KIF12: variants seen among roughly 807,000 people sequenced by gnomAD.
The protein encoded by KIF12 is kinesin family member 12.
Under a neutral mutation model 87.9 loss-of-function variants are expected in KIF12, and 80 were observed. That is an observed-to-expected ratio of 0.91 (90% CI 0.76 to 1.10). The LOEUF is 1.10. Ranked by LOEUF, KIF12 falls within the 50% of genes least tolerant of loss-of-function variation. KIF12 has a pLI of 0.00. For missense variants in KIF12, 819 were observed against 865.3 expected (o/e 0.95, Z 0.67); for synonymous variants, 353 against 348.5 (o/e 1.01, Z -0.14).
rs369822984 is a variant in KIF12 at position 114,097,732 on chromosome 9, C to A, written c.385G>T (p.Val129Leu). 15 of 1,613,294 alleles carry A rather than the reference C, an allele frequency of 9.3e-6. No individual in the cohort carries two copies. In the African/African-American group the frequency reaches 1.5e-4, roughly 16 times the overall value. The change falls in exon 6 of 19, where the codon GTG (valine) becomes TTG (leucine). Residue 129 changes from valine (V) to leucine (L), a missense_variant. Coordinates refer to ENST00000640217, the MANE Select transcript of KIF12 (RefSeq NM_001388308.1). ...LTGPPPQGEG[V>L]PVPPSLAGIM... Reference sequence around the variant, plus strand: ...CCAGCCAGGCTGGGGGGTACAGGCACCCCCTCCCCCTAGGGGCAAAACCAG... The same window carrying A: ...CCAGCCAGGCTGGGGGGTACAGGCAACCCCTCCCCCTAGGGGCAAAACCAG...
chr9:114,095,066 G>C lies in KIF12; in HGVS notation c.1076C>G (p.Ala359Gly). 6.2e-7 allele frequency: 1 copy of C among 1,609,912 alleles called. No homozygotes were observed. Among genetic ancestry groups the C allele is most frequent in the South Asian group, 1.1e-5 (1 of 90,344 alleles). Residue 359 changes from alanine (A) to glycine (G), a missense_variant, in exon 11 of 19, where the codon GCA (alanine) becomes GGA (glycine). Ala to Gly is a moderately conservative substitution (Grantham distance 60, BLOSUM62 0). Coordinates refer to ENST00000640217, the MANE Select transcript of KIF12 (RefSeq NM_001388308.1). Reference sequence around the variant, plus strand: ...GGTGGTGACCCGCTGAGCTCGGCTTGCATATCGCAGGGTGCTGAGAGTCTC... The same window carrying C: ...GGTGGTGACCCGCTGAGCTCGGCTTCCATATCGCAGGGTGCTGAGAGTCTC... ...LPETLSTLRY[A>G]SRAQRVTTRP...
chr9:114,098,750 G>T (rs372457016), intron 3 of KIF12, among the ~76,000 whole-genome samples, 185 bp downstream of exon 3: 2 of 141,760 alleles, frequency 1.4e-5, no homozygotes, highest in African/African-American at 5.3e-5. Context: ...ACTCGCAGGG[G>T]TTGGCGCGGC....
intron 18 of KIF12, 29 bp from the exon 19 acceptor site, chr9:114,092,029 C>T: frequency 6.3e-7 from 1 of 1,599,120 alleles, no homozygotes; most frequent in Non-Finnish European, 8.5e-7. Context: ...CGAGGCCTGC[C>T]CTCTCCAGGG....
Position 114,097,371 on chromosome 9 carries a change from G to A in KIF12, c.576C>T (p.Gly192=). 2 of 1,609,146 alleles carry A rather than the reference G, an allele frequency of 1.2e-6. No individual in the cohort carries two copies. The highest frequency in any genetic ancestry group is 2.7e-5 in the African/African-American group (2 of 74,562). ...CCACCCGCAGCTGCTCCACATAGAA[G>A]CCCCGAGTCTTGTTCCAGCGAACAG... ...PLPVRWNKTR[G]FYVEQLRVVE... The change falls in exon 7 of 19, where the codon GGC becomes GGT. Residue 192 remains glycine, a synonymous_variant. Coordinates refer to ENST00000640217, the MANE Select transcript of KIF12 (RefSeq NM_001388308.1).
chr9:114,098,894 C>T (rs756505365), intron 3 of KIF12, 41 bp downstream of exon 3: 12 of 1,535,388 alleles, frequency 7.8e-6, no homozygotes, highest in Non-Finnish European at 9.6e-6. Flanking sequence ...CTGGCGTCCC[C>T]GGGATTTTTT....
At position 114,095,025 on chromosome 9, in the gene KIF12, TG is replaced by T; in HGVS notation, c.1116del (p.Lys373SerfsTer60). 6.3e-7 allele frequency: 1 copy of T among 1,588,492 alleles called. No homozygotes were observed. The highest frequency in any genetic ancestry group is 8.6e-7 in the Non-Finnish European group (1 of 1,167,190). ...AQRVTTRPQA[P>X]KSPVAKQPQR... Reference sequence around the variant, plus strand: ...AGCTTGTGCCTGCCTATACTCACCTTGGGGGCCTGTGGTCGGGTGGTGACCC... The same window carrying T: ...AGCTTGTGCCTGCCTATACTCACCTTGGGGCCTGTGGTCGGGTGGTGACCC... On this transcript the variant is annotated frameshift_variant, in exon 11 of 19. Transcript: ENST00000640217. LOFTEE classifies it high-confidence loss of function.
At chr9:114,095,384 T>C (rs779584009) in intron 9 of KIF12, 52 bp from the exon 10 acceptor site, 4 of 1,562,746 alleles carry the variant, frequency 2.6e-6, no homozygotes, top group Non-Finnish European at 3.5e-6. Flanking sequence ...CCTAGGGCCA[T>C]CAGGCTGGGA....
intron 14 of KIF12, 152 bp downstream of exon 14, chr9:114,093,734 C>A (rs1251423450): frequency 2.8e-5 from 20 of 705,134 alleles, no homozygotes; most frequent in Non-Finnish European, 4.6e-5. Context: ...AAATGACTTG[C>A]CCCAGGTGAC....
In KIF12 at chr9:114,094,356, T is replaced by C; in HGVS notation, c.1219A>G (p.Lys407Glu). The C allele has an allele frequency of 6.2e-7, 1 of 1,613,394 alleles. No individual in the cohort carries two copies. The highest frequency in any genetic ancestry group is 8.5e-7 in the Non-Finnish European group (1 of 1,179,368). ...TCTGCCTCCAGGAAGCCCATACCCT[T>C]GCAGTCCATTTGGTCCAGCTGGAAC... ...LQFQLDQMDC[K>E]ASGLSGARVA... The change falls in exon 12 of 19, where the codon AAG (lysine) becomes GAG (glutamate). Residue 407 changes from lysine to glutamate, a missense_variant. By Grantham distance (56) the Lys-to-Glu change is moderately conservative. Transcript: ENST00000640217.
intron 16 of KIF12, 46 bp downstream of exon 16, chr9:114,093,183 T>G (rs769323221): frequency 6.8e-6 from 10 of 1,475,448 alleles, no homozygotes; most frequent in Non-Finnish European, 7.4e-6. Flanking sequence ...GATCAAGGTC[T>G]CCAGTTCTCC....
At chr9:114,092,929 G>T in intron 16 of KIF12, 1 of 1,431,084 alleles carries the variant, frequency 7.0e-7, no homozygotes, top group Non-Finnish European at 9.1e-7. Flanking sequence ...GGAGCTTGGG[G>T]AGTTACTGAA....
In KIF12 at chr9:114,093,477, T is replaced by C. The variant is rs1372622826; in HGVS notation, c.1421A>G (p.Tyr474Cys). The change falls in exon 15 of 19, where the codon TAC becomes TGC. Residue 474 changes from tyrosine (Y) to cysteine (C), a missense_variant. Physicochemically the swap from Tyr to Cys is radical, Grantham distance 194 (BLOSUM62 -2). Transcript: ENST00000640217. ...CAGGCCAGGACCCTGCTGGTGATGGTAGCAGGCAGAGAGGAGACGCCTAGA... is the reference window on the plus strand; with the variant it reads ...CAGGCCAGGACCCTGCTGGTGATGGCAGCAGGCAGAGAGGAGACGCCTAGA... Reference protein sequence around the residue: ...ALERRLLSACYHHQQGPGLTP... With the variant: ...ALERRLLSACCHHQQGPGLTP... 3.2e-6 allele frequency: 5 copies of C among 1,561,918 alleles called. No individual in the cohort carries two copies. The Admixed American group carries it at 5.8e-5, about 18-fold the overall frequency.
At position 114,095,276 on chromosome 9, in the gene KIF12, G is replaced by T; in HGVS notation, c.952C>A (p.Arg318=). Residue 318 remains arginine (R), a synonymous_variant, in exon 10 of 19, where the codon CGG becomes AGG. Transcript: ENST00000640217. ...PQRKQSHIPF[R]DSKLTKLLAD... ...AGCAACTTGGTGAGCTTGCTGTCCC[G>T]GAAAGGGATGTGGCTCTGCTTCCGC... The T allele has an allele frequency of 1.2e-6, 2 of 1,613,836 alleles. No individual in the cohort carries two copies. The highest frequency in any genetic ancestry group is 1.7e-6 in the Non-Finnish European group (2 of 1,180,018).
intron 14 of KIF12, 148 bp downstream of exon 14, chr9:114,093,738 A>C (rs766638471): frequency 5.6e-6 from 4 of 711,314 alleles, no homozygotes; most frequent in Non-Finnish European, 9.5e-6. Flanking sequence ...GACTTGCCCC[A>C]GGTGACACAG....
intron 16 of KIF12, 183 bp from the exon 17 acceptor site, chr9:114,092,825 C>A (rs1443201672): frequency 6.9e-7 from 1 of 1,443,776 alleles, no homozygotes. Context: ...CTTCTACCGT[C>A]CTCTCCTGAG....
intron 18 of KIF12, 77 bp from the exon 19 acceptor site, chr9:114,092,077 T>G (rs915406440): frequency 4.0e-6 from 6 of 1,516,072 alleles, no homozygotes; most frequent in Non-Finnish European, 5.3e-6. Context: ...CCCAACACCC[T>G]CTGGAGAAGC....
In KIF12 at chr9:114,094,078, G is replaced by C. The variant is rs1443055205; in HGVS notation, c.1313+103C>G. On this transcript the variant is annotated intron_variant, in intron 13 of 18. Transcript: ENST00000640217. ...AGCACCAGTTCAGGAAGCAGGTGGG[G>C]ACATAAGGGAGCCAGGGGCAGGGAG... 10 of 1,442,314 alleles carry C rather than the reference G, an allele frequency of 6.9e-6. No homozygotes were observed. In the Admixed American group the frequency reaches 1.7e-4, roughly 24 times the overall value. The allele number at this position is 1,442,314 out of a possible 1,614,324, so 89.3% of individuals were successfully genotyped here.
Position 114,093,261 on chromosome 9 carries a change from C to A in KIF12, c.1564G>T (p.Ala522Ser). 1 of 1,556,882 alleles carries A rather than the reference C, an allele frequency of 6.4e-7. No homozygotes were observed. The highest frequency in any genetic ancestry group is 8.7e-7 in the Non-Finnish European group (1 of 1,149,438). ...AGGTGGTGCTCCCCTGGCAGGCAGG[C>A]CCAGTGGGCCAGGGGCACTCGACAC... ...PLCRVPLAHW[A>S]CLPGEHHLPQ... Residue 522 changes from alanine to serine, a missense_variant, in exon 16 of 19, where the codon GCC becomes TCC. Coordinates refer to ENST00000640217, the MANE Select transcript of KIF12 (RefSeq NM_001388308.1).
Position 114,096,089 on chromosome 9 carries a change from A to G in KIF12, c.857T>C (p.Leu286Pro). 1.2e-6 allele frequency: 2 copies of G among 1,613,722 alleles called. No homozygotes were observed. The highest frequency in any genetic ancestry group is 2.2e-5 in the South Asian group (2 of 91,064). The change falls in exon 9 of 19, where the codon CTT becomes CCT. Residue 286 changes from leucine to proline, a missense_variant. Transcript: ENST00000640217. ...AATGSRGELM[L>P]EANSINRSLL... Reference sequence around the variant, plus strand: ...GCTTCGGTTGATGCTGTTAGCCTCAAGCATCAGCTCCCCACGGGATCCCGT... The same window carrying G: ...GCTTCGGTTGATGCTGTTAGCCTCAGGCATCAGCTCCCCACGGGATCCCGT...
Sources: allele counts gnomAD v4.1 joint callset (sites outside exome capture counted in the v4.1 genomes callset), GRCh38; gene constraint gnomAD v4.1.1; transcripts MANE v1.5; gene names NCBI Gene and HGNC (gene_info 2026-07-23, HGNC 2026-07-21).